The following DNAJC3 variants were observed in gnomAD, a reference collection of about 807,000 sequenced individuals.
The protein encoded by DNAJC3 is dnaJ homolog subfamily C member 3.
A neutral mutation model predicts 68.6 loss-of-function variants in DNAJC3; 38 were observed. The ratio of observed to expected loss-of-function variants is 0.55; its 90% CI spans 0.43 to 0.73. The LOEUF (loss-of-function observed/expected upper bound fraction) is 0.73. Ranked by LOEUF, DNAJC3 falls within the 30% of genes least tolerant of loss-of-function variation. The pLI, the probability that DNAJC3 is intolerant of heterozygous loss-of-function variation, is 0.00. For synonymous variants in DNAJC3, 203 were observed against 204.0 expected (o/e 1.00, Z 0.04); for missense variants, 526 against 591.9 (o/e 0.89, Z 1.16).
intron 2 of DNAJC3, among the ~76,000 whole-genome samples, chr13:95,717,126 A>G (rs1447589822): frequency 6.6e-6 from 1 of 152,172 alleles, no homozygotes; most frequent in Non-Finnish European, 1.5e-5. Flanking sequence ...AATTTAATAG[A>G]CTTTACAGAG....
rs1177899517 is a variant in DNAJC3 at position 95,792,822 on chromosome 13, T to G, written c.*1792T>G. The G allele has an allele frequency of 1.3e-5, 2 of 152,242 alleles. No homozygotes were observed. Among genetic ancestry groups the G allele is most frequent in the Admixed American group, 1.3e-4 (2 of 15,286 alleles). The allele number at this position is 152,242 out of a possible 1,614,324, so 9.4% of individuals were successfully genotyped here. The stretch of plus-strand genomic sequence containing the variant: ...TACTGGCTATGTCAGCAATATCTTT[T>G]TCAATCTGGTTCCTTTTGTATATGA... On this transcript the variant is annotated 3_prime_UTR_variant, in exon 12 of 12. Coordinates refer to ENST00000602402, the MANE Select transcript of DNAJC3 (RefSeq NM_006260.5).
chr13:95,757,459 A>T (rs1882696399), intron 4 of DNAJC3, among the ~76,000 whole-genome samples, 185 bp from the exon 5 acceptor site: 1 of 152,190 alleles, frequency 6.6e-6, no homozygotes, highest in Non-Finnish European at 1.5e-5. Flanking sequence ...CTCATGGACC[A>T]TATCGGTAGA....
intron 1 of DNAJC3, among the ~76,000 whole-genome samples, chr13:95,703,850 TTGAG>T (rs1197380452): frequency 1.6e-4 from 24 of 152,050 alleles, no homozygotes; most frequent in Non-Finnish European, 2.9e-5. Context: ...TTTAACCTGA[TTGAG>T]TGACTCATAA....
intron 9 of DNAJC3, among the ~76,000 whole-genome samples, chr13:95,775,420 C>T (rs943226800): frequency 1.3e-5 from 2 of 152,056 alleles, no homozygotes; most frequent in African/African-American, 4.8e-5. Flanking sequence ...TCTTTCTCAC[C>T]TTCAGTTTTA....
intron 2 of DNAJC3, 88 bp downstream of exon 2, chr13:95,709,425 C>A: frequency 1.1e-6 from 1 of 903,450 alleles, no homozygotes; most frequent in Non-Finnish European, 1.6e-6. Flanking sequence ...TTAAAATAAA[C>A]ATTATTTCAT....
chr13:95,720,780 C>T (rs970925473), intron 2 of DNAJC3, among the ~76,000 whole-genome samples: 1 of 151,932 alleles, frequency 6.6e-6, no homozygotes, highest in Non-Finnish European at 1.5e-5. Flanking sequence ...TAGCTGGGAT[C>T]ATATATTTTT....
chr13:95,698,080 G>A (rs933095815), intron 1 of DNAJC3, among the ~76,000 whole-genome samples: 1 of 147,702 alleles, frequency 6.8e-6, no homozygotes, highest in Non-Finnish European at 1.5e-5. Flanking sequence ...GTTGTTGTTT[G>A]AATTTACTTC....
intron 1 of DNAJC3, among the ~76,000 whole-genome samples, chr13:95,688,927 GGTGTGTGTGTGTGTGTGTGTGT>G (rs57546561): frequency 7.7e-6 from 1 of 129,668 alleles, no homozygotes; most frequent in Non-Finnish European, 1.6e-5. Context: ...TGATTGTGTG[GGTGTGTGTGTGTGTGTGTGTGT>G]GTGTGTGTGT....
chr13:95,739,275 C>G (rs1004081784), intron 4 of DNAJC3, among the ~76,000 whole-genome samples: 3 of 151,884 alleles, frequency 2.0e-5, no homozygotes, highest in Non-Finnish European at 2.9e-5. Flanking sequence ...TTCATTTCAA[C>G]TTTGGTGAAT....
At chr13:95,715,863 A>G (rs1881126153) in intron 2 of DNAJC3, among the ~76,000 whole-genome samples, 1 of 151,900 alleles carries the variant, frequency 6.6e-6, no homozygotes, top group Non-Finnish European at 1.5e-5. Flanking sequence ...AACTATAGAA[A>G]ATAAAGTTTA....
At chr13:95,775,940 A>G (rs1473620742) in intron 9 of DNAJC3, among the ~76,000 whole-genome samples, 1 of 152,076 alleles carries the variant, frequency 6.6e-6, no homozygotes, top group Non-Finnish European at 1.5e-5. Context: ...GAGATTTTTA[A>G]TGACAGTTTG....
At chr13:95,706,477 G>A (rs1447038993) in intron 1 of DNAJC3, among the ~76,000 whole-genome samples, 2 of 152,208 alleles carry the variant, frequency 1.3e-5, no homozygotes, top group East Asian at 3.8e-4. Context: ...AGATCTTTTA[G>A]TGTGTTCAGC....
intron 11 of DNAJC3, among the ~76,000 whole-genome samples, chr13:95,789,616 A>G (rs918698985): frequency 1.3e-5 from 2 of 152,164 alleles, no homozygotes; most frequent in Non-Finnish European, 2.9e-5. Flanking sequence ...CAATAAACTG[A>G]TATGTGCATG....
chr13:95,757,787 G>A lies in DNAJC3; in HGVS notation c.537G>A (p.Lys179=). 6.5e-7 allele frequency: 1 copy of A among 1,536,986 alleles called. No homozygotes were observed. Among genetic ancestry groups the A allele is most frequent in the Non-Finnish European group, 8.9e-7 (1 of 1,124,368 alleles). ...DYTAAIAFLD[K]ILEVCVWDAE... is the part of the protein sequence containing the mutation. The stretch of plus-strand genomic sequence containing the variant: ...CTGCTGCTATAGCCTTCCTTGATAA[G>A]ATTTTAGAGGTAAGTTTCTTAGATA... The change falls in exon 5 of 12, where the codon AAG becomes AAA. Residue 179 remains lysine (K), a synonymous_variant. Coordinates refer to ENST00000602402, the MANE Select transcript of DNAJC3 (RefSeq NM_006260.5).
intron 1 of DNAJC3, among the ~76,000 whole-genome samples, chr13:95,703,186 T>A (rs1218979133): frequency 1.3e-5 from 2 of 152,358 alleles, no homozygotes; most frequent in East Asian, 3.9e-4. Context: ...TTGTTTTCTG[T>A]GTGTTTCTGT....
At chr13:95,727,851 A>G (rs1300132517) in intron 4 of DNAJC3, among the ~76,000 whole-genome samples, 1 of 152,026 alleles carries the variant, frequency 6.6e-6, no homozygotes, top group Non-Finnish European at 1.5e-5. Flanking sequence ...GTATTCTGTT[A>G]CCCTGGGATC....
chr13:95,751,112 G>A (rs932373279), intron 4 of DNAJC3, among the ~76,000 whole-genome samples: 1 of 152,142 alleles, frequency 6.6e-6, no homozygotes, highest in Admixed American at 6.5e-5. Flanking sequence ...ACACATACCT[G>A]TAGTCCTAGC....
intron 4 of DNAJC3, among the ~76,000 whole-genome samples, chr13:95,747,408 G>T (rs188073959): frequency 3.3e-5 from 5 of 152,272 alleles, no homozygotes; most frequent in Admixed American, 3.3e-4. Context: ...GGATGCATCC[G>T]TGTAAGCAAG....
intron 2 of DNAJC3, among the ~76,000 whole-genome samples, chr13:95,714,639 G>C (rs1357203848): frequency 6.6e-6 from 1 of 152,160 alleles, no homozygotes; most frequent in Admixed American, 6.5e-5. Context: ...ATTAAGGGCT[G>C]TTTACTGTGT....
Sources: allele counts gnomAD v4.1 joint callset (sites outside exome capture counted in the v4.1 genomes callset), GRCh38; gene constraint gnomAD v4.1.1; transcripts MANE v1.5; gene names NCBI Gene and HGNC (gene_info 2026-07-23, HGNC 2026-07-21).